The following SLC1A7 variants were observed in gnomAD, a reference collection of about 807,000 sequenced individuals.
The protein encoded by SLC1A7 is excitatory amino acid transporter 5.
In SLC1A7, 40 loss-of-function variants were observed where a neutral mutation model predicts 47.7. The observed-to-expected ratio is 0.84, with a 90% CI of 0.65 to 1.09. The LOEUF is 1.09. Among genes scored for constraint, SLC1A7 ranks in the 50% least tolerant of loss-of-function variants. SLC1A7 has a pLI of 0.00. For synonymous variants in SLC1A7, 323 were observed against 325.6 expected (o/e 0.99, Z 0.09); for missense variants, 746 against 769.5 (o/e 0.97, Z 0.36).
chr1:53,105,446 A>G (rs186033573), intron 4 of SLC1A7, among the ~76,000 whole-genome samples: 215 of 152,210 alleles, frequency 1.4e-3, no homozygotes, highest in Non-Finnish European at 2.4e-4. Flanking sequence ...TACTGTGTGG[A>G]TGGGCGAGAT....
At chr1:53,103,125 G>A (rs1644601663) in intron 5 of SLC1A7, 1 of 470,338 alleles carries the variant, frequency 2.1e-6, no homozygotes, top group African/African-American at 2.0e-5. Context: ...CCTAAGAAAT[G>A]GCCCAGACGG....
Position 53,087,765 on chromosome 1 carries a change from G to A in SLC1A7, c.*244C>T, listed in dbSNP as rs1644375377. ...CCGCCCTCACCGGGCTCACACCGGG[G>A]AAACTGTCACAGCGGGGCCTCAGGC... On this transcript the variant is annotated 3_prime_UTR_variant, in exon 11 of 11. Transcript: ENST00000371494. 1 of 354,592 alleles carries A rather than the reference G, an allele frequency of 2.8e-6. No individual in the cohort carries two copies. The highest frequency in any genetic ancestry group is 2.1e-5 in the African/African-American group (1 of 47,944). The allele number at this position is 354,592 out of a possible 1,614,324, so 22.0% of individuals were successfully genotyped here.
chr1:53,124,920 T>C (rs1232441210), intron 2 of SLC1A7, among the ~76,000 whole-genome samples: 6 of 152,240 alleles, frequency 3.9e-5, no homozygotes, highest in Non-Finnish European at 8.8e-5. Context: ...TGACATCACA[T>C]TGGGGGAAAA....
intron 5 of SLC1A7, 38 bp downstream of exon 5, chr1:53,103,308 G>T (rs2242274): frequency 2.7e-6 from 4 of 1,486,416 alleles, no homozygotes; most frequent in Non-Finnish European, 3.6e-6. Flanking sequence ...CTGGGGGCCC[G>T]GCTCCACGGC....
intron 2 of SLC1A7, among the ~76,000 whole-genome samples, chr1:53,121,257 A>G (rs1644822437): frequency 6.6e-6 from 1 of 152,118 alleles, no homozygotes; most frequent in African/African-American, 2.4e-5. Flanking sequence ...GACATTCTAG[A>G]TCAGACGTGA....
At chr1:53,091,083 G>A in intron 7 of SLC1A7, 5 of 898,302 alleles carry the variant, frequency 5.6e-6, no homozygotes, top group Non-Finnish European at 8.2e-6. Flanking sequence ...GGATATGGAG[G>A]TCTGAGCAGC....
rs993989742 is a variant in SLC1A7, at chr1:53,115,261, G to C, written c.216-288C>G. ...TGGGATGGTGGGGACACTGTTGGGG[G>C]AGTGAGAGATTAATTAAGGAAATGC... is the stretch of plus-strand genomic sequence containing the variant. On this transcript the variant is annotated intron_variant, in intron 2 of 10. Coordinates refer to ENST00000371494, the MANE Select transcript of SLC1A7 (RefSeq NM_006671.6). 9.9e-4 allele frequency: 505 copies of C among 509,664 alleles called. 8 individuals are homozygous for C. The highest frequency in any genetic ancestry group is 1.3e-4 in the Non-Finnish European group (37 of 283,224). 31.6% of individuals were successfully genotyped at this position (509,664 alleles called of 1,614,324 possible).
In SLC1A7 at chr1:53,091,067, G is replaced by A. The variant is rs931866656; in HGVS notation, c.1032-261C>T. Reference sequence around the variant, plus strand: ...GGGCTGACCCATGTCACACTGCTGTGCCGAGGGATATGGAGGTCTGAGCAG... The same window carrying A: ...GGGCTGACCCATGTCACACTGCTGTACCGAGGGATATGGAGGTCTGAGCAG... On this transcript the variant is annotated intron_variant, in intron 7 of 10. Coordinates refer to ENST00000371494, the MANE Select transcript of SLC1A7 (RefSeq NM_006671.6). The A allele has an allele frequency of 2.9e-6, 3 of 1,029,050 alleles. No homozygotes were observed. The Admixed American group carries it at 8.6e-5, about 30-fold the overall frequency. 63.7% of individuals were successfully genotyped at this position (1,029,050 alleles called of 1,614,324 possible). A position where few individuals can be genotyped will look rare whatever the true frequency, so the allele number is the denominator to read the frequency against.
At chr1:53,101,519 A>G (rs1644580287) in intron 5 of SLC1A7, among the ~76,000 whole-genome samples, 1 of 150,086 alleles carries the variant, frequency 6.7e-6, no homozygotes, top group African/African-American at 2.5e-5. Flanking sequence ...CTGCCTCAGT[A>G]CACTCACCCT....
chr1:53,138,834 C>CTTT (rs1557694778), intron 1 of SLC1A7, among the ~76,000 whole-genome samples: 10 of 152,074 alleles, frequency 6.6e-5, no homozygotes, highest in African/African-American at 2.4e-4. Context: ...TATCTTAGTT[C>CTTT]TTCTATTTTT....
chr1:53,142,064 C>A (rs564804396), intron 1 of SLC1A7, among the ~76,000 whole-genome samples: 50 of 152,280 alleles, frequency 3.3e-4, no homozygotes, highest in African/African-American at 1.1e-3. Flanking sequence ...CATGAGGCAC[C>A]CTCGCCTCTC....
At chr1:53,099,469 C>T (rs973891998) in intron 5 of SLC1A7, among the ~76,000 whole-genome samples, 54 of 151,508 alleles carry the variant, frequency 3.6e-4, no homozygotes, top group African/African-American at 1.2e-3. Flanking sequence ...TACACTCACA[C>T]ACCTCGCCTC....
intron 1 of SLC1A7, among the ~76,000 whole-genome samples, chr1:53,136,098 C>T (rs1439950816): frequency 6.6e-6 from 1 of 151,066 alleles, no homozygotes; most frequent in Non-Finnish European, 1.5e-5. Context: ...ATTTCCAATG[C>T]ACCAGAAAAT....
intron 3 of SLC1A7, among the ~76,000 whole-genome samples, chr1:53,112,219 A>T (rs2150331039): frequency 6.6e-6 from 1 of 152,312 alleles, no homozygotes; most frequent in South Asian, 2.1e-4. Flanking sequence ...ATTAAAAAAA[A>T]TGCCTGGGCT....
At chr1:53,133,884 G>A (rs561361189) in intron 2 of SLC1A7, among the ~76,000 whole-genome samples, 3 of 152,226 alleles carry the variant, frequency 2.0e-5, no homozygotes, top group South Asian at 2.1e-4. Context: ...ACAACCCTTC[G>A]AAGTAGGTGT....
chr1:53,136,053 A>G (rs1644989415), intron 1 of SLC1A7, among the ~76,000 whole-genome samples: 2 of 151,840 alleles, frequency 1.3e-5, no homozygotes, highest in Non-Finnish European at 2.9e-5. Context: ...AGACCCACCC[A>G]ATGTTAACCG....
rs1644373994 is a variant in SLC1A7 at position 53,087,649 on chromosome 1, TGACCTTAACGTGA to T, written c.*347_*359del. ...GCTTGAAAGATTTGAGTTAGTGTCT[TGACCTTAACGTGA>T]GACCTTGGACAAGTGTTTTCAGCTC... On this transcript the variant is annotated 3_prime_UTR_variant, in exon 11 of 11. Transcript: ENST00000371494. 1 of 169,912 alleles carries T rather than the reference TGACCTTAACGTGA, an allele frequency of 5.9e-6. No homozygotes were observed. Among genetic ancestry groups the T allele is most frequent in the Admixed American group, 6.3e-5 (1 of 15,846 alleles). 10.5% of individuals were successfully genotyped at this position (169,912 alleles called of 1,614,324 possible). A position where few individuals can be genotyped will look rare whatever the true frequency, so the allele number is the denominator to read the frequency against.
chr1:53,134,369 G>A lies in SLC1A7; in HGVS notation c.196C>T (p.Leu66=). The change falls in exon 2 of 11, where the codon CTG becomes TTG. Residue 66 remains leucine, a synonymous_variant. Transcript: ENST00000371494. Reference sequence around the variant, plus strand: ...TCTCACCTGGAGACCACCAGTGGCAGGATCATCATCTTCAGCATCCTCATC... The same window carrying A: ...TCTCACCTGGAGACCACCAGTGGCAAGATCATCATCTTCAGCATCCTCATC... ...LLMRMLKMMI[L]PLVVSSLMSG... 6.2e-7 allele frequency: 1 copy of A among 1,613,258 alleles called. No individual in the cohort carries two copies. Among genetic ancestry groups the A allele is most frequent in the Non-Finnish European group, 8.5e-7 (1 of 1,179,590 alleles).
chr1:53,127,745 T>C (rs1572343477), intron 2 of SLC1A7, among the ~76,000 whole-genome samples: 1 of 152,052 alleles, frequency 6.6e-6, no homozygotes. Flanking sequence ...GGTGGGGAGC[T>C]GCAGGCAGCC....
Sources: gnomAD v4.1 joint callset for allele counts (sites outside exome capture counted in the v4.1 genomes callset) on GRCh38, gnomAD v4.1.1 for gene constraint, MANE v1.5 for transcripts, NCBI Gene and HGNC (gene_info 2026-07-23, HGNC 2026-07-21) for gene names.